Variants in LRFN5 observed in about 807,000 individuals in gnomAD.
The protein encoded by LRFN5 is leucine-rich repeat and fibronectin type-III domain-containing protein 5.
A neutral mutation model predicts 45.6 loss-of-function variants in LRFN5; 24 were observed. That is an observed-to-expected ratio of 0.53 (90% CI 0.38 to 0.74). The LOEUF (loss-of-function observed/expected upper bound fraction) is 0.74. Ranked by LOEUF, LRFN5 falls within the 30% of genes least tolerant of loss-of-function variation. LRFN5 has a pLI of 0.00. For synonymous variants in LRFN5, 340 were observed against 313.8 expected, an observed-to-expected ratio of 1.08 and a Z score of -0.88; for missense variants, 776 against 861.5, an observed-to-expected ratio of 0.90 and a Z score of 1.24.
intron 2 of LRFN5, among the ~76,000 whole-genome samples, chr14:41,830,220 G>A (rs1032485182): frequency 2.0e-5 from 3 of 151,508 alleles, no homozygotes; most frequent in Non-Finnish European, 4.4e-5. Flanking sequence ...GTGTTATGTA[G>A]CCCATACAAC....
At chr14:41,882,350 A>T (rs1013254754) in intron 2 of LRFN5, among the ~76,000 whole-genome samples, 19 of 152,108 alleles carry the variant, frequency 1.2e-4, no homozygotes, top group African/African-American at 4.3e-4. Flanking sequence ...TTGTGGTTAA[A>T]ATCACAGGTA....
At chr14:41,630,742 C>G (rs543482265) in intron 1 of LRFN5, among the ~76,000 whole-genome samples, 1 of 151,964 alleles carries the variant, frequency 6.6e-6, no homozygotes, top group Admixed American at 6.6e-5. Flanking sequence ...TTTATCTGCT[C>G]GAGTTTTCAT....
At chr14:41,795,891 G>T (rs764721685) in intron 2 of LRFN5, among the ~76,000 whole-genome samples, 5 of 150,052 alleles carry the variant, frequency 3.3e-5, no homozygotes, top group Admixed American at 2.0e-4. Context: ...TAACTTGCAC[G>T]TTGTGCACAT....
At chr14:41,642,208 T>C (rs1224132875) in intron 1 of LRFN5, among the ~76,000 whole-genome samples, 2 of 152,152 alleles carry the variant, frequency 1.3e-5, no homozygotes, top group Admixed American at 1.3e-4. Context: ...CCTTCAATAA[T>C]GTGTTGAAAT....
chr14:41,866,633 T>C (rs1889849476), intron 2 of LRFN5, among the ~76,000 whole-genome samples: 3 of 152,146 alleles, frequency 2.0e-5, no homozygotes, highest in Admixed American at 2.0e-4. Flanking sequence ...CATTTTATAT[T>C]ATTATATAAG....
chr14:41,698,864 G>C (rs1346838653), intron 1 of LRFN5, among the ~76,000 whole-genome samples: 1 of 152,042 alleles, frequency 6.6e-6, no homozygotes, highest in African/African-American at 2.4e-5. Flanking sequence ...GTAATCATTG[G>C]TATAGGATTA....
At chr14:41,847,711 T>C (rs1211462496) in intron 2 of LRFN5, among the ~76,000 whole-genome samples, 1 of 152,090 alleles carries the variant, frequency 6.6e-6, no homozygotes, top group African/African-American at 2.4e-5. Flanking sequence ...GAATATATAT[T>C]TTGTTCATTT....
chr14:41,856,791 C>A (rs1889486096), intron 2 of LRFN5, among the ~76,000 whole-genome samples: 1 of 144,706 alleles, frequency 6.9e-6, no homozygotes, highest in East Asian at 2.0e-4. Flanking sequence ...ATTCTCCTGC[C>A]TCAGCCTCCC....
intron 2 of LRFN5, among the ~76,000 whole-genome samples, chr14:41,824,661 A>G (rs748870615): frequency 6.6e-6 from 1 of 152,178 alleles, no homozygotes; most frequent in African/African-American, 2.4e-5. Flanking sequence ...GCAAATCGGT[A>G]TACTGTTCCA....
chr14:41,892,444 A>T, intron 4 of LRFN5: 1 of 984,252 alleles, frequency 1.0e-6, no homozygotes, highest in Non-Finnish European at 1.2e-6. Flanking sequence ...GCAACAGCAG[A>T]TTAAAAAAAT....
chr14:41,747,355 G>C lies in LRFN5; in HGVS notation c.-196-19499G>C, dbSNP rs61992403. Among the ~76,000 whole-genome samples, 136 of 152,012 alleles carry C rather than the reference G, an allele frequency of 8.9e-4. 1 individual carries two copies. Among genetic ancestry groups the C allele is most frequent in the Non-Finnish European group, 1.5e-3 (101 of 67,892 alleles). On this transcript the variant is annotated intron_variant, in intron 1 of 5. Transcript: ENST00000298119. The stretch of plus-strand genomic sequence containing the variant: ...AACAAACATATATACCTATGAAATG[G>C]AATACGGCATTTAGAAACAAACCCT...
At chr14:41,722,590 C>G (rs1449655863) in intron 1 of LRFN5, among the ~76,000 whole-genome samples, 3 of 149,300 alleles carry the variant, frequency 2.0e-5, no homozygotes, top group Non-Finnish European at 3.0e-5. Context: ...TTCTCTTTCC[C>G]TTTTCCCTTT....
At position 41,607,266 on chromosome 14, in the gene LRFN5, C is replaced by A. The variant is rs1489038632; in HGVS notation, c.-1493C>A. Among the ~76,000 whole-genome samples the A allele has an allele frequency of 6.6e-6, 1 of 151,894 alleles. No individual in the cohort carries two copies. The highest frequency in any genetic ancestry group is 1.5e-5 in the Non-Finnish European group (1 of 67,972). On this transcript the variant is annotated 5_prime_UTR_variant, in exon 1 of 6. Coordinates refer to ENST00000298119, the MANE Select transcript of LRFN5 (RefSeq NM_152447.5). ...GGGGAGCTCTGGCTGTGAACACAGC[C>A]CACCCATATAATCCATTTTGCACGG...
At chr14:41,618,259 A>G (rs980383807) in intron 1 of LRFN5, among the ~76,000 whole-genome samples, 28 of 152,258 alleles carry the variant, frequency 1.8e-4, no homozygotes, top group African/African-American at 6.7e-4. Flanking sequence ...ATGGCCGCAA[A>G]TTCATTGCAG....
intron 2 of LRFN5, among the ~76,000 whole-genome samples, chr14:41,786,161 A>C (rs1566440475): frequency 1.3e-5 from 2 of 152,104 alleles, no homozygotes; most frequent in East Asian, 3.9e-4. Context: ...TATTATTTTT[A>C]TTTTAAACAG....
intron 1 of LRFN5, among the ~76,000 whole-genome samples, chr14:41,675,429 C>T (rs1382479895): frequency 1.3e-5 from 2 of 152,232 alleles, no homozygotes; most frequent in African/African-American, 4.8e-5. Context: ...AGCGAAACCC[C>T]GTCTCCACCA....
intron 2 of LRFN5, among the ~76,000 whole-genome samples, chr14:41,819,862 C>T (rs1012484909): frequency 6.6e-6 from 1 of 152,040 alleles, no homozygotes; most frequent in African/African-American, 2.4e-5. Flanking sequence ...AGACACATAT[C>T]TGAAACATAT....
chr14:41,795,586 C>T (rs1594716672), intron 2 of LRFN5, among the ~76,000 whole-genome samples: 2 of 152,028 alleles, frequency 1.3e-5, no homozygotes, highest in African/African-American at 4.8e-5. Flanking sequence ...CCATGGAATG[C>T]TATGCAGCCA....
intron 1 of LRFN5, among the ~76,000 whole-genome samples, chr14:41,664,560 G>A (rs1399342088): frequency 6.6e-6 from 1 of 151,978 alleles, no homozygotes. Context: ...GCTTTGCAAT[G>A]CTGAGATGGG....
Sources: gnomAD v4.1 joint callset for allele counts (sites outside exome capture counted in the v4.1 genomes callset) on GRCh38, gnomAD v4.1.1 for gene constraint, MANE v1.5 for transcripts, NCBI Gene and HGNC (gene_info 2026-07-23, HGNC 2026-07-21) for gene names.